The following CDH12 variants were observed in gnomAD, a reference collection of about 807,000 sequenced individuals.
The protein encoded by CDH12 is cadherin 12, also known as cadherin-12.
CDH12 carries 41 observed loss-of-function variants against 74.1 expected under a neutral mutation model. The observed-to-expected ratio is 0.55, with a 90% CI of 0.43 to 0.72. CDH12 has a LOEUF of 0.72. Among genes scored for constraint, CDH12 ranks in the 30% least tolerant of loss-of-function variants. The pLI is 0.00. For synonymous variants in CDH12, 399 were observed against 355.0 expected (o/e 1.12, Z -1.39); for missense variants, 945 against 977.2 (o/e 0.97, Z 0.44).
intron 1 of CDH12, among the ~76,000 whole-genome samples, chr5:22,591,159 A>T (rs1056236746): frequency 6.6e-6 from 1 of 152,182 alleles, no homozygotes; most frequent in Admixed American, 6.5e-5. Context: ...AATGCTTTGC[A>T]TGTAGGTCAT....
At chr5:21,995,057 A>T (rs1439115417) in intron 5 of CDH12, among the ~76,000 whole-genome samples, 3 of 152,028 alleles carry the variant, frequency 2.0e-5, no homozygotes, top group African/African-American at 7.2e-5. Flanking sequence ...GCCGCTTCAC[A>T]CCTGAAGTTA....
intron 2 of CDH12, among the ~76,000 whole-genome samples, chr5:22,463,603 G>A (rs943709862): frequency 7.9e-5 from 12 of 151,942 alleles, no homozygotes; most frequent in African/African-American, 2.9e-4. Context: ...TATAAAGTTG[G>A]GGTCGGAAAT....
At chr5:22,368,914 AG>A (rs905797733) in intron 3 of CDH12, among the ~76,000 whole-genome samples, 48 of 152,168 alleles carry the variant, frequency 3.2e-4, no homozygotes, top group Admixed American at 8.5e-4. Context: ...AGATCACTTG[AG>A]GTCAGGAGTT....
intron 1 of CDH12, among the ~76,000 whole-genome samples, chr5:22,802,363 G>A (rs1466428066): frequency 6.6e-6 from 1 of 151,716 alleles, no homozygotes; most frequent in African/African-American, 2.4e-5. Flanking sequence ...CTTGTGATCC[G>A]CCCGCCTCAG....
rs190467257 is a variant in CDH12, at chr5:22,626,611, T to C, written c.-522-121247A>G. Among the ~76,000 whole-genome samples the C allele has an allele frequency of 3.8e-4, 57 of 151,946 alleles. No homozygotes were observed. In the East Asian group the frequency reaches 7.7e-3, roughly 21 times the overall value. ...AAACTAAATAAAAAGAACAGAAATA[T>C]CAAAGAGTAAAGGAATAACAGTCTA... On this transcript the variant is annotated intron_variant, in intron 1 of 14. Coordinates refer to ENST00000382254, the MANE Select transcript of CDH12 (RefSeq NM_004061.5).
chr5:22,186,946 T>C (rs1749988550), intron 4 of CDH12, among the ~76,000 whole-genome samples: 1 of 152,186 alleles, frequency 6.6e-6, no homozygotes. Flanking sequence ...GTAAATTTCT[T>C]GAAGAAAATA....
chr5:21,996,711 A>T (rs1363180751), intron 5 of CDH12, among the ~76,000 whole-genome samples: 1 of 152,220 alleles, frequency 6.6e-6, no homozygotes, highest in Non-Finnish European at 1.5e-5. Flanking sequence ...ACAGTTAAAA[A>T]TAAAACAAGT....
chr5:22,168,415 C>T (rs1748818489), intron 4 of CDH12, among the ~76,000 whole-genome samples: 2 of 152,122 alleles, frequency 1.3e-5, no homozygotes, highest in Admixed American at 1.3e-4. Flanking sequence ...AGTGATTGCT[C>T]ATATATTTTG....
chr5:22,813,739 A>T (rs1319226114), intron 1 of CDH12, among the ~76,000 whole-genome samples: 3 of 152,166 alleles, frequency 2.0e-5, no homozygotes, highest in African/African-American at 4.8e-5. Flanking sequence ...CTGCAAAAAA[A>T]CTAAGGCCCT....
chr5:22,714,133 G>A (rs1264629219), intron 1 of CDH12, among the ~76,000 whole-genome samples: 3 of 152,102 alleles, frequency 2.0e-5, no homozygotes, highest in African/African-American at 7.2e-5. Flanking sequence ...CCATCAACTG[G>A]AGAGCTAATA....
intron 4 of CDH12, among the ~76,000 whole-genome samples, chr5:22,106,164 A>C (rs921817065): frequency 6.6e-6 from 1 of 152,150 alleles, no homozygotes; most frequent in Non-Finnish European, 1.5e-5. Flanking sequence ...GGAGCAGGAA[A>C]GGTAACTATT....
intron 1 of CDH12, among the ~76,000 whole-genome samples, chr5:22,685,084 T>C (rs1046323092): frequency 1.3e-5 from 2 of 152,180 alleles, no homozygotes; most frequent in Non-Finnish European, 2.9e-5. Context: ...CTTGAGTTCA[T>C]AGCCCATCAG....
chr5:22,042,912 AT>A (rs1176860185), intron 5 of CDH12, among the ~76,000 whole-genome samples: 24 of 146,984 alleles, frequency 1.6e-4, no homozygotes, highest in Admixed American at 5.4e-4. Context: ...AAAAAAAAAA[AT>A]TCATAATAGA....
At chr5:22,177,260 A>AT (rs921214945) in intron 4 of CDH12, among the ~76,000 whole-genome samples, 36 of 151,892 alleles carry the variant, frequency 2.4e-4, no homozygotes, top group African/African-American at 8.0e-4. Context: ...TTCCCTACCT[A>AT]TTTTTTTCAT....
At chr5:21,874,920 A>G (rs1209898569) in intron 6 of CDH12, among the ~76,000 whole-genome samples, 1 of 152,180 alleles carries the variant, frequency 6.6e-6, no homozygotes, top group Admixed American at 6.5e-5. Flanking sequence ...TCTTGAGGAC[A>G]AGAACCCCAG....
intron 6 of CDH12, among the ~76,000 whole-genome samples, chr5:21,869,908 A>C (rs942362823): frequency 6.6e-6 from 1 of 152,132 alleles, no homozygotes; most frequent in Non-Finnish European, 1.5e-5. Context: ...CCCCACCCAA[A>C]TCTTATCTTC....
Position 22,091,210 on chromosome 5 carries a change from T to C in CDH12, c.-186-12348A>G, listed in dbSNP as rs183163068. 5.8e-3 allele frequency among the ~76,000 whole-genome samples: 867 copies of C among 149,062 alleles called. 7 individuals are homozygous for C. The highest frequency in any genetic ancestry group is 0.018 in the African/African-American group (736 of 40,834). On this transcript the variant is annotated intron_variant, in intron 4 of 14. Coordinates refer to ENST00000382254, the MANE Select transcript of CDH12 (RefSeq NM_004061.5). ...GTGTGTGTGTGTGTATATATATATA[T>C]ATATATATATAGCTTAGTAAATATT...
At chr5:21,900,483 T>C (rs1246355860) in intron 6 of CDH12, among the ~76,000 whole-genome samples, 5 of 152,222 alleles carry the variant, frequency 3.3e-5, no homozygotes, top group African/African-American at 1.2e-4. Flanking sequence ...ATATTAGCTA[T>C]AGCTGTACAA....
chr5:22,151,846 T>C (rs964871404), intron 4 of CDH12: 1 of 152,174 alleles, frequency 6.6e-6, no homozygotes, highest in African/African-American at 2.4e-5. Context: ...ATAAAACGTT[T>C]CTGGTTTTCA....
Sources: gnomAD v4.1 joint callset for allele counts (sites outside exome capture counted in the v4.1 genomes callset) on GRCh38, gnomAD v4.1.1 for gene constraint, MANE v1.5 for transcripts, NCBI Gene and HGNC (gene_info 2026-07-23, HGNC 2026-07-21) for gene names.